Variants in CNTNAP2 observed in about 807,000 individuals in gnomAD.
CNTNAP2 encodes contactin-associated protein-like 2.
A neutral mutation model predicts 155.2 loss-of-function variants in CNTNAP2; 98 were observed. The ratio of observed to expected loss-of-function variants is 0.63; its 90% CI spans 0.54 to 0.75. The LOEUF (loss-of-function observed/expected upper bound fraction) is 0.75, where lower values mean the gene tolerates loss of function less well. CNTNAP2 is among the 30% of genes least tolerant of loss of function. CNTNAP2 has a pLI of 0.00. For missense variants in CNTNAP2, 1,727 were observed against 1,688.1 expected (o/e 1.02, Z -0.40); for synonymous variants, 651 against 631.2 (o/e 1.03, Z -0.47).
chr7:146,779,516 T>G (rs542527449), intron 2 of CNTNAP2, among the ~76,000 whole-genome samples: 6 of 152,218 alleles, frequency 3.9e-5, no homozygotes, highest in African/African-American at 1.2e-4. Flanking sequence ...TAAAATGAGT[T>G]TGAAGATTTG....
chr7:147,305,651 T>C (rs545100909), intron 9 of CNTNAP2, among the ~76,000 whole-genome samples: 1 of 152,352 alleles, frequency 6.6e-6, no homozygotes, highest in Non-Finnish European at 1.5e-5. Context: ...TATCAAATGA[T>C]ATAAGTTAGA....
At chr7:148,258,476 C>T (rs1046861810) in intron 20 of CNTNAP2, among the ~76,000 whole-genome samples, 1 of 152,116 alleles carries the variant, frequency 6.6e-6, no homozygotes, top group Non-Finnish European at 1.5e-5. Context: ...CCTGCTTGTT[C>T]GTATTTTCAA....
At chr7:147,154,232 G>A (rs7779669) in intron 8 of CNTNAP2, among the ~76,000 whole-genome samples, 14,596 of 152,168 alleles carry the variant, frequency 0.096, 765 homozygotes, top group Non-Finnish European at 0.12. Context: ...AATTGAAAAC[G>A]AGAATAAGCA....
chr7:146,978,099 A>T (rs983307905), intron 3 of CNTNAP2, among the ~76,000 whole-genome samples: 4 of 152,150 alleles, frequency 2.6e-5, no homozygotes, highest in African/African-American at 4.8e-5. Context: ...TGTGGATAGG[A>T]GCCCTTTATA....
chr7:146,320,485 C>T (rs1408135231), intron 1 of CNTNAP2, among the ~76,000 whole-genome samples: 1 of 152,070 alleles, frequency 6.6e-6, no homozygotes, highest in East Asian at 1.9e-4. Flanking sequence ...TAAATAGTAC[C>T]TCTTGAAATG....
At chr7:148,409,027 T>C (rs1264551736) in intron 22 of CNTNAP2, among the ~76,000 whole-genome samples, 1 of 152,240 alleles carries the variant, frequency 6.6e-6, no homozygotes, top group Non-Finnish European at 1.5e-5. Flanking sequence ...CCACCAGTTG[T>C]GCATGGGGTT....
chr7:147,689,346 C>CAA (rs1796057535), intron 13 of CNTNAP2, among the ~76,000 whole-genome samples: 1 of 151,948 alleles, frequency 6.6e-6, no homozygotes, highest in South Asian at 2.1e-4. Flanking sequence ...GACAGGGTTT[C>CAA]ACCAAGTTGG....
chr7:148,047,050 A>T (rs1320004858), intron 15 of CNTNAP2, among the ~76,000 whole-genome samples: 1 of 151,868 alleles, frequency 6.6e-6, no homozygotes, highest in South Asian at 2.1e-4. Flanking sequence ...TTGGGCCCCC[A>T]CCTCCCCAAC....
At chr7:147,390,698 A>C (rs1465053222) in intron 9 of CNTNAP2, among the ~76,000 whole-genome samples, 1 of 152,072 alleles carries the variant, frequency 6.6e-6, no homozygotes, top group Non-Finnish European at 1.5e-5. Flanking sequence ...TAATGCCTTT[A>C]TACTTAACCT....
chr7:148,215,600 G>A (rs1274948902), intron 18 of CNTNAP2, among the ~76,000 whole-genome samples: 3 of 151,712 alleles, frequency 2.0e-5, no homozygotes, highest in Non-Finnish European at 4.4e-5. Flanking sequence ...TGGGGGCCAG[G>A]ACATGTCACC....
At chr7:147,898,473 C>T (rs1799808128) in intron 13 of CNTNAP2, among the ~76,000 whole-genome samples, 1 of 152,132 alleles carries the variant, frequency 6.6e-6, no homozygotes, top group Admixed American at 6.5e-5. Flanking sequence ...CTTAACATCC[C>T]AAGAGGGTGG....
chr7:146,204,939 A>C (rs113441442), intron 1 of CNTNAP2, among the ~76,000 whole-genome samples: 2,320 of 152,168 alleles, frequency 0.015, 50 homozygotes, highest in African/African-American at 0.052. Context: ...TCCCTAAAAG[A>C]AAACGAACTC....
intron 3 of CNTNAP2, among the ~76,000 whole-genome samples, chr7:146,846,799 G>A (rs1803849933): frequency 6.6e-6 from 1 of 151,932 alleles, no homozygotes; most frequent in Admixed American, 6.6e-5. Flanking sequence ...ATGAGATAAA[G>A]GAAAATGTTA....
intron 21 of CNTNAP2, among the ~76,000 whole-genome samples, chr7:148,285,106 C>A (rs1436199825): frequency 1.2e-4 from 19 of 152,174 alleles, no homozygotes; most frequent in Non-Finnish European, 2.9e-5. Flanking sequence ...ATGTTTATAA[C>A]AGATATTTAA....
intron 13 of CNTNAP2, among the ~76,000 whole-genome samples, chr7:147,743,746 G>A (rs1003826263): frequency 6.6e-6 from 1 of 150,938 alleles, no homozygotes; most frequent in Admixed American, 6.6e-5. Context: ...GTGTTTTAAC[G>A]TCAGTCCTCT....
intron 21 of CNTNAP2, among the ~76,000 whole-genome samples, chr7:148,344,070 C>A (rs1003994767): frequency 6.6e-6 from 1 of 152,206 alleles, no homozygotes; most frequent in African/African-American, 2.4e-5. Context: ...TTGTCCGGGG[C>A]AAACCTTATG....
intron 3 of CNTNAP2, among the ~76,000 whole-genome samples, chr7:147,000,341 C>T (rs1798397117): frequency 6.6e-6 from 1 of 151,866 alleles, no homozygotes; most frequent in African/African-American, 2.4e-5. Flanking sequence ...GTTATTTTTA[C>T]TTTATCGTGA....
chr7:147,953,311 A>G (rs999283793), intron 14 of CNTNAP2, among the ~76,000 whole-genome samples: 1 of 152,192 alleles, frequency 6.6e-6, no homozygotes, highest in African/African-American at 2.4e-5. Flanking sequence ...TTGAATCCTT[A>G]GAAAGACAAG....
intron 13 of CNTNAP2, among the ~76,000 whole-genome samples, chr7:147,657,399 G>A (rs796217597): frequency 3.9e-5 from 6 of 152,216 alleles, no homozygotes; most frequent in South Asian, 4.2e-4. Context: ...GGTTGGCTTC[G>A]GTGAAATATG....
Sources: gnomAD v4.1 joint callset for allele counts (sites outside exome capture counted in the v4.1 genomes callset) on GRCh38, gnomAD v4.1.1 for gene constraint, MANE v1.5 for transcripts, NCBI Gene and HGNC (gene_info 2026-07-23, HGNC 2026-07-21) for gene names.